The following NUDT6 variants were observed in gnomAD, a reference collection of about 807,000 sequenced individuals.
NUDT6 encodes the protein FAD diphosphatase NUDT6.
NUDT6 carries 24 observed loss-of-function variants against 36.8 expected under a neutral mutation model. That is an observed-to-expected ratio of 0.65 (90% CI 0.47 to 0.92). The LOEUF is 0.92. Among genes scored for constraint, NUDT6 ranks in the 40% least tolerant of loss-of-function variants. The pLI, the probability that NUDT6 is intolerant of heterozygous loss-of-function variation, is 0.00. For missense variants in NUDT6, 388 were observed against 392.8 expected (o/e 0.99, Z 0.10); for synonymous variants, 163 against 157.0 (o/e 1.04, Z -0.29).
intron 2 of NUDT6, among the ~76,000 whole-genome samples, chr4:122,912,953 G>C (rs1727759374): frequency 6.6e-6 from 1 of 152,190 alleles, no homozygotes; most frequent in South Asian, 2.1e-4. Context: ...CATGAAAACA[G>C]TTTTGACTGC....
Position 122,912,553 on chromosome 4 carries a change from AC to A in NUDT6, c.498+14del. On this transcript the variant is annotated intron_variant, in intron 3 of 4. Coordinates refer to ENST00000304430, the MANE Select transcript of NUDT6 (RefSeq NM_007083.5). ...AAACATTTAGGAAGCAATTTATAAAACAGAAGCAGCTTACTTTATTTCGATC... is the reference window on the plus strand; with the variant it reads ...AAACATTTAGGAAGCAATTTATAAAAAGAAGCAGCTTACTTTATTTCGATC... 1 of 1,566,772 alleles carries A rather than the reference AC, an allele frequency of 6.4e-7. No individual in the cohort carries two copies. The highest frequency in any genetic ancestry group is 8.8e-7 in the Non-Finnish European group (1 of 1,138,894).
chr4:122,918,088 T>A, intron 1 of NUDT6: 1 of 172,242 alleles, frequency 5.8e-6, no homozygotes, highest in Non-Finnish European at 1.3e-5. Flanking sequence ...AAGACAATTA[T>A]GGACTTCTAT....
intron 3 of NUDT6, among the ~76,000 whole-genome samples, chr4:122,899,782 G>A (rs528097735): frequency 1.3e-4 from 20 of 152,200 alleles, no homozygotes; most frequent in South Asian, 6.2e-4. Context: ...TTGTGCCACC[G>A]CACTCCAGCC....
In NUDT6 at chr4:122,892,987, G is replaced by C. The variant is rs1215885037; in HGVS notation, c.792C>G (p.Thr264=). The change falls in exon 5 of 5, where the codon ACC becomes ACG. Residue 264 remains threonine (T), a synonymous_variant. Transcript: ENST00000304430. ...LAKTENTTPI[T]SRVARLLLYG... is the part of the protein sequence containing the mutation. ...ACAGCAGCAGCCTAGCAACTCTGCT[G>C]GTGATGGGAGTTGTATTTTCAGTCT... The C allele has an allele frequency of 1.3e-5, 21 of 1,614,058 alleles. No individual in the cohort carries two copies. Among genetic ancestry groups the C allele is most frequent in the Non-Finnish European group, 1.7e-5 (20 of 1,180,050 alleles).
intron 2 of NUDT6, among the ~76,000 whole-genome samples, chr4:122,915,469 C>CAAAAA (rs61032259): frequency 7.1e-5 from 3 of 42,260 alleles, no homozygotes; most frequent in Non-Finnish European, 1.0e-4. Flanking sequence ...GACCCTGCCT[C>CAAAAA]AAAAAAAAAA....
intron 2 of NUDT6, among the ~76,000 whole-genome samples, chr4:122,917,241 A>C (rs1727863010): frequency 6.6e-6 from 1 of 152,160 alleles, no homozygotes; most frequent in Non-Finnish European, 1.5e-5. Flanking sequence ...ACTGTGCCTA[A>C]CTTATAAGTT....
intron 1 of NUDT6, chr4:122,919,053 G>A (rs554541522): frequency 1.3e-5 from 2 of 152,302 alleles, no homozygotes; most frequent in South Asian, 2.1e-4. Flanking sequence ...TACACTCTGT[G>A]TCTTGGAGAA....
At chr4:122,909,849 T>C (rs1328589132) in intron 3 of NUDT6, among the ~76,000 whole-genome samples, 1 of 152,200 alleles carries the variant, frequency 6.6e-6, no homozygotes, top group Non-Finnish European at 1.5e-5. Flanking sequence ...TAAGTAAACA[T>C]TACAGGATGA....
intron 2 of NUDT6, among the ~76,000 whole-genome samples, chr4:122,915,227 T>C (rs547015672): frequency 1.9e-4 from 29 of 152,262 alleles, no homozygotes; most frequent in African/African-American, 7.0e-4. Flanking sequence ...CGGTAGTTTA[T>C]AACAAATGCC....
In NUDT6 at chr4:122,892,800, A is replaced by T; in HGVS notation, c.*28T>A. 6.5e-7 allele frequency: 1 copy of T among 1,528,666 alleles called. No individual in the cohort carries two copies. The highest frequency in any genetic ancestry group is 8.9e-7 in the Non-Finnish European group (1 of 1,124,832). 94.7% of individuals were successfully genotyped at this position (1,528,666 alleles called of 1,614,324 possible). ...TATTTCTTATGTCATTCGTTAGTCT[A>T]CATGTTTCTAAACATATAAATGTGA... On this transcript the variant is annotated 3_prime_UTR_variant, in exon 5 of 5. Coordinates refer to ENST00000304430, the MANE Select transcript of NUDT6 (RefSeq NM_007083.5).
At position 122,904,743 on chromosome 4, in the gene NUDT6, C is replaced by T. The variant is rs140492614; in HGVS notation, c.499-7065G>A. ...TGCTGGGATTACAGGCGTGAGCCAC[C>T]GTGCCTCGCCTCTTCCTCACCTACT... On this transcript the variant is annotated intron_variant, in intron 3 of 4. Coordinates refer to ENST00000304430, the MANE Select transcript of NUDT6 (RefSeq NM_007083.5). Among the ~76,000 whole-genome samples the T allele has an allele frequency of 2.8e-4, 42 of 152,270 alleles. No individual in the cohort carries two copies. The East Asian group carries it at 3.1e-3, about 11-fold the overall frequency.
At chr4:122,917,454 T>C in intron 2 of NUDT6, 47 bp downstream of exon 2, 1 of 1,496,932 alleles carries the variant, frequency 6.7e-7, no homozygotes, top group South Asian at 1.1e-5. Flanking sequence ...AGAAATTGGG[T>C]GAACGTCTAA....
chr4:122,921,308 A>G (rs1425666343), intron 1 of NUDT6: 1 of 152,198 alleles, frequency 6.6e-6, no homozygotes, highest in East Asian at 1.9e-4. Context: ...GGGTGACTAT[A>G]TTCAATAAAG....
In NUDT6 at chr4:122,893,231, T is replaced by TA. The variant is rs780673190; in HGVS notation, c.554-7dup. On this transcript the variant is annotated splice_region_variant and splice_polypyrimidine_tract_variant and intron_variant, in intron 4 of 4. Coordinates refer to ENST00000304430, the MANE Select transcript of NUDT6 (RefSeq NM_007083.5). ...TTCTCGAACCGCTGTGTCTCCTACG[T>TA]AAAAAAAGAGATGTACAAATCAATA... 3.8e-6 allele frequency: 6 copies of TA among 1,582,382 alleles called. No homozygotes were observed. The highest frequency in any genetic ancestry group is 5.1e-6 in the Non-Finnish European group (6 of 1,165,136).
At chr4:122,912,710 A>C (rs1245209611) in intron 2 of NUDT6, 87 bp from the exon 3 acceptor site, 1 of 835,028 alleles carries the variant, frequency 1.2e-6, no homozygotes, top group Non-Finnish European at 2.0e-6. Context: ...GTGGTGATAA[A>C]AATTCTACCC....
chr4:122,907,603 A>C (rs1459331588), intron 3 of NUDT6, among the ~76,000 whole-genome samples: 1 of 150,598 alleles, frequency 6.6e-6, no homozygotes, highest in Admixed American at 6.6e-5. Flanking sequence ...GGCGCCCACC[A>C]CCACGCCCGG....
chr4:122,893,594 A>G (rs1727256447), intron 4 of NUDT6: 1 of 162,748 alleles, frequency 6.1e-6, no homozygotes, highest in Non-Finnish European at 1.3e-5. Flanking sequence ...TTCTTGAGAT[A>G]AGATTCCAAA....
At chr4:122,903,412 G>A (rs1007873777) in intron 3 of NUDT6, among the ~76,000 whole-genome samples, 2 of 152,208 alleles carry the variant, frequency 1.3e-5, no homozygotes, top group Non-Finnish European at 2.9e-5. Context: ...GAAGCTCAAT[G>A]TGCTAGTTTA....
chr4:122,893,861 A>G lies in NUDT6; in HGVS notation c.554-636T>C, dbSNP rs375179461. The G allele has an allele frequency of 3.3e-5, 5 of 152,320 alleles. No homozygotes were observed. In the East Asian group the frequency reaches 9.6e-4, roughly 29 times the overall value. The allele number at this position is 152,320 out of a possible 1,614,324, so 9.4% of individuals were successfully genotyped here. On this transcript the variant is annotated intron_variant, in intron 4 of 4. Coordinates refer to ENST00000304430, the MANE Select transcript of NUDT6 (RefSeq NM_007083.5). ...TTGTGATGTTCTGTCATTGTCTCCC[A>G]AAGTATTTAGGAGAAGCCCTTTAAA...
Sources: allele counts gnomAD v4.1 joint callset (sites outside exome capture counted in the v4.1 genomes callset), GRCh38; gene constraint gnomAD v4.1.1; transcripts MANE v1.5; gene names NCBI Gene and HGNC (gene_info 2026-07-23, HGNC 2026-07-21).